Variants in DAAM1 observed in about 807,000 individuals in gnomAD.
The protein encoded by DAAM1 is disheveled-associated activator of morphogenesis 1.
In DAAM1, 52 loss-of-function variants were observed where a neutral mutation model predicts 130.0. That is an observed-to-expected ratio of 0.40 (90% CI 0.32 to 0.50). The LOEUF (loss-of-function observed/expected upper bound fraction) is 0.50, where lower values mean the gene tolerates loss of function less well. DAAM1 is among the 20% of genes least tolerant of loss of function. The pLI is 0.61. For synonymous variants in DAAM1, 452 were observed against 444.5 expected, an observed-to-expected ratio of 1.02 and a Z score of -0.21; for missense variants, 1,134 against 1,303.8, an observed-to-expected ratio of 0.87 and a Z score of 2.01.
intron 4 of DAAM1, among the ~76,000 whole-genome samples, chr14:59,317,990 C>T (rs761971923): frequency 2.0e-5 from 3 of 152,150 alleles, no homozygotes; most frequent in Non-Finnish European, 4.4e-5. Context: ...TGGAGAACTG[C>T]AGCACTTACT....
chr14:59,331,334 T>C lies in DAAM1; in HGVS notation c.1686T>C (p.Leu562=), dbSNP rs1269972586. Reference sequence around the variant, plus strand: ...CCCCACCTCTACCAGGTGGGATGCTTCCCCCTCCACCGCCTCCCCTCCCTC... The same window carrying C: ...CCCCACCTCTACCAGGTGGGATGCTCCCCCCTCCACCGCCTCCCCTCCCTC... ...PPPPPLPGGM[L]PPPPPPLPPG... Residue 562 remains leucine (L), a synonymous_variant, in exon 14 of 25, where the codon CTT becomes CTC. Transcript: ENST00000360909. The C allele has an allele frequency of 1.2e-6, 2 of 1,610,570 alleles. No homozygotes were observed. The highest frequency in any genetic ancestry group is 1.7e-6 in the Non-Finnish European group (2 of 1,179,134).
intron 23 of DAAM1, among the ~76,000 whole-genome samples, chr14:59,365,978 T>C (rs770679592): frequency 6.6e-6 from 1 of 151,784 alleles, no homozygotes; most frequent in Non-Finnish European, 1.5e-5. Flanking sequence ...TATCTTGAGT[T>C]ATGGAGATAA....
At chr14:59,195,879 T>G (rs1390429160) in intron 1 of DAAM1, among the ~76,000 whole-genome samples, 2 of 146,314 alleles carry the variant, frequency 1.4e-5, no homozygotes, top group Non-Finnish European at 3.0e-5. Context: ...AGATTTTTTC[T>G]GTATCTTTTT....
intron 3 of DAAM1, among the ~76,000 whole-genome samples, chr14:59,311,447 A>C (rs1212981619): frequency 6.6e-6 from 1 of 152,136 alleles, no homozygotes; most frequent in East Asian, 1.9e-4. Flanking sequence ...AAACAAAGCA[A>C]AGCTCTTGTC....
Position 59,315,263 on chromosome 14 carries a change from T to A in DAAM1, c.274-17T>A. 2 of 1,613,810 alleles carry A rather than the reference T, an allele frequency of 1.2e-6. No homozygotes were observed. Among genetic ancestry groups the A allele is most frequent in the Non-Finnish European group, 1.7e-6 (2 of 1,179,726 alleles). On this transcript the variant is annotated splice_polypyrimidine_tract_variant and intron_variant, in intron 3 of 24. Transcript: ENST00000360909. ...TATATGTTGGGTGGTATGTCACTTT[T>A]TTTCCCCCCTTTTTAGGACCAGGAA... is the stretch of plus-strand genomic sequence containing the variant.
At chr14:59,245,377 T>G (rs893204369) in intron 1 of DAAM1, among the ~76,000 whole-genome samples, 5 of 152,210 alleles carry the variant, frequency 3.3e-5, no homozygotes, top group African/African-American at 1.2e-4. Flanking sequence ...CAGGATACAA[T>G]GTATTGCTAT....
intron 15 of DAAM1, chr14:59,338,400 A>C (rs1348274568): frequency 1.2e-6 from 2 of 1,613,648 alleles, no homozygotes; most frequent in African/African-American, 2.7e-5. Flanking sequence ...CTTTGTGAAC[A>C]GTAACTCCAA....
intron 1 of DAAM1, among the ~76,000 whole-genome samples, chr14:59,235,555 GTCTA>G (rs1359318694): frequency 1.8e-4 from 28 of 152,072 alleles, no homozygotes; most frequent in African/African-American, 5.8e-4. Flanking sequence ...CTAGCTAGTG[GTCTA>G]TCTATTTTTT....
At chr14:59,230,957 G>A (rs1285305016) in intron 1 of DAAM1, among the ~76,000 whole-genome samples, 41 of 152,150 alleles carry the variant, frequency 2.7e-4, no homozygotes, top group Admixed American at 2.7e-3. Flanking sequence ...AATTAAAAAT[G>A]TTCTCTGTTG....
intron 1 of DAAM1, among the ~76,000 whole-genome samples, chr14:59,228,659 TTG>T (rs952434723): frequency 1.4e-4 from 22 of 152,234 alleles, no homozygotes; most frequent in Non-Finnish European, 3.2e-4. Flanking sequence ...AGAGTCGTAT[TTG>T]TGTGTTCTGT....
chr14:59,196,793 T>A (rs1887910174), intron 1 of DAAM1, among the ~76,000 whole-genome samples: 1 of 151,932 alleles, frequency 6.6e-6, no homozygotes, highest in African/African-American at 2.4e-5. Flanking sequence ...AAAAAACTAA[T>A]TGTAAGAAAT....
chr14:59,195,794 C>T (rs1388142964), intron 1 of DAAM1, among the ~76,000 whole-genome samples: 1 of 152,088 alleles, frequency 6.6e-6, no homozygotes, highest in Non-Finnish European at 1.5e-5. Context: ...TTGTTAGTGA[C>T]ATACAAACCA....
chr14:59,316,210 T>C (rs1270140697), intron 4 of DAAM1, among the ~76,000 whole-genome samples: 3 of 152,218 alleles, frequency 2.0e-5, no homozygotes, highest in African/African-American at 7.2e-5. Context: ...AACATGCAAG[T>C]AGATGATAGC....
Position 59,326,019 on chromosome 14 carries a change from A to G in DAAM1, c.1116A>G (p.Thr372=). Residue 372 remains threonine (T), a synonymous_variant, in exon 10 of 25, where the codon ACA becomes ACG. Coordinates refer to ENST00000360909, the MANE Select transcript of DAAM1 (RefSeq NM_001270520.2). ...TTGAGCTGACCAGGAAGAGGCTGAC[A>G]CATAGTGAAGCTTACCCGCATTTCA... ...QMFELTRKRL[T]HSEAYPHFMS... 1 of 1,614,234 alleles carries G rather than the reference A, an allele frequency of 6.2e-7. No individual in the cohort carries two copies. The highest frequency in any genetic ancestry group is 8.5e-7 in the Non-Finnish European group (1 of 1,180,028).
chr14:59,305,796 T>C (rs979938026), intron 3 of DAAM1, among the ~76,000 whole-genome samples: 5 of 152,256 alleles, frequency 3.3e-5, no homozygotes, highest in Admixed American at 6.5e-5. Flanking sequence ...TTCTTGCTTT[T>C]CTTGCTTTTC....
intron 23 of DAAM1, among the ~76,000 whole-genome samples, chr14:59,365,662 CAGA>C (rs1278235579): frequency 6.6e-6 from 1 of 151,846 alleles, no homozygotes; most frequent in Non-Finnish European, 1.5e-5. Context: ...ACTGAGATAT[CAGA>C]AGAATCTAAC....
At chr14:59,281,869 T>C (rs1381641143) in intron 2 of DAAM1, among the ~76,000 whole-genome samples, 1 of 152,076 alleles carries the variant, frequency 6.6e-6, no homozygotes, top group African/African-American at 2.4e-5. Flanking sequence ...AGAGATACTT[T>C]TGGAATGGAG....
intron 17 of DAAM1, 67 bp from the exon 18 acceptor site, chr14:59,352,459 G>C: frequency 8.1e-7 from 1 of 1,232,094 alleles, no homozygotes; most frequent in Non-Finnish European, 1.2e-6. Context: ...TTAACTGAAA[G>C]GGTGAAAAAT....
At chr14:59,255,179 G>C (rs1041895989) in intron 1 of DAAM1, among the ~76,000 whole-genome samples, 1 of 152,202 alleles carries the variant, frequency 6.6e-6, no homozygotes, top group Non-Finnish European at 1.5e-5. Context: ...AGGACCACCT[G>C]CTGGGTGAAG....
Sources: allele counts gnomAD v4.1 joint callset (sites outside exome capture counted in the v4.1 genomes callset), GRCh38; gene constraint gnomAD v4.1.1; transcripts MANE v1.5; gene names NCBI Gene and HGNC (gene_info 2026-07-23, HGNC 2026-07-21).